NDC80: variants seen among roughly 807,000 people sequenced by gnomAD.
NDC80 encodes kinetochore protein NDC80 homolog.
In NDC80, 69 loss-of-function variants were observed where a neutral mutation model predicts 89.3. The observed-to-expected ratio is 0.77, with a 90% CI of 0.64 to 0.94. The LOEUF (loss-of-function observed/expected upper bound fraction) is 0.94. Among genes scored for constraint, NDC80 ranks in the 40% least tolerant of loss-of-function variants. NDC80 has a pLI of 0.00. For synonymous variants in NDC80, 243 were observed against 255.6 expected, an observed-to-expected ratio of 0.95 and a Z score of 0.47; for missense variants, 593 against 739.6, an observed-to-expected ratio of 0.80 and a Z score of 2.30.
In NDC80 at chr18:2,595,585, G is replaced by A; in HGVS notation, c.1185G>A (p.Trp395Ter). ...TGGAAGCTGAACAACAGAAGTTGTG[G>A]AATGAGGAGTTAAAATATGCCAGAG... The part of the protein sequence containing the change: ...KDLEAEQQKL[W>*]NEELKYARGK... Residue 395 changes from tryptophan (W) to a stop codon, truncating the protein, a stop_gained, in exon 11 of 17, where the codon TGG becomes TGA. Coordinates refer to ENST00000261597, the MANE Select transcript of NDC80 (RefSeq NM_006101.3). LOFTEE classifies it high-confidence loss of function. 1 of 1,613,654 alleles carries A rather than the reference G, an allele frequency of 6.2e-7. No homozygotes were observed. The highest frequency in any genetic ancestry group is 8.5e-7 in the Non-Finnish European group (1 of 1,179,702).
intron 4 of NDC80, 21 bp downstream of exon 4, chr18:2,577,890 A>G: frequency 1.2e-6 from 2 of 1,612,034 alleles, no homozygotes; most frequent in Non-Finnish European, 1.7e-6. Context: ...ATTTTAATCT[A>G]AACTGTGATT....
intron 16 of NDC80, among the ~76,000 whole-genome samples, chr18:2,616,142 A>G (rs1237525102): frequency 6.6e-6 from 1 of 152,034 alleles, no homozygotes; most frequent in Non-Finnish European, 1.5e-5. Flanking sequence ...CTCCTGCCTC[A>G]GCCTCTTGCA....
intron 11 of NDC80, among the ~76,000 whole-genome samples, chr18:2,596,701 A>G (rs1014871527): frequency 2.0e-5 from 3 of 152,164 alleles, no homozygotes; most frequent in African/African-American, 7.2e-5. Context: ...ATTATAAATC[A>G]TGCTGCTATA....
Position 2,595,470 on chromosome 18 carries a change from A to G in NDC80, c.1070A>G (p.Asp357Gly). ...AACACTCGACTACAGAATATCATTGACAACCAGAAGTACTCAGTTGCAGAC... is the reference window on the plus strand; with the variant it reads ...AACACTCGACTACAGAATATCATTGGCAACCAGAAGTACTCAGTTGCAGAC... ...QENTRLQNIIDNQKYSVADIE... is the reference protein window; with the variant it reads ...QENTRLQNIIGNQKYSVADIE... The change falls in exon 11 of 17, where the codon GAC becomes GGC. Residue 357 changes from aspartate (D) to glycine (G), a missense_variant. Coordinates refer to ENST00000261597, the MANE Select transcript of NDC80 (RefSeq NM_006101.3). The G allele has an allele frequency of 6.2e-7, 1 of 1,613,930 alleles. No homozygotes were observed.
chr18:2,599,197 AT>A (rs751069922), intron 12 of NDC80, 26 bp downstream of exon 12: 3 of 1,577,808 alleles, frequency 1.9e-6, no homozygotes, highest in South Asian at 2.3e-5. Context: ...TACTTTTAAG[AT>A]TTTTTTAATT....
chr18:2,593,656 A>C, intron 10 of NDC80: 1 of 175,082 alleles, frequency 5.7e-6, no homozygotes, highest in Non-Finnish European at 1.3e-5. Context: ...GATGCTCTTT[A>C]GTAGACGAAA....
chr18:2,611,832 A>G (rs1404773752), intron 16 of NDC80, among the ~76,000 whole-genome samples: 1 of 151,942 alleles, frequency 6.6e-6, no homozygotes, highest in Non-Finnish European at 1.5e-5. Flanking sequence ...GTGATACCCT[A>G]CTACCCATCC....
intron 13 of NDC80, among the ~76,000 whole-genome samples, chr18:2,605,274 A>ATGTGTGTGTGTGTGTGTGTGTG (rs60324126): frequency 7.9e-6 from 1 of 127,178 alleles, no homozygotes; most frequent in Non-Finnish European, 1.6e-5. Context: ...GGCTATATGT[A>ATGTGTGTGTGTGTGTGTGTGTG]TGTGTGTGTG....
In NDC80 at chr18:2,580,472, T is replaced by C. The variant is rs144580301; in HGVS notation, c.579+1443T>C. Among the ~76,000 whole-genome samples, 299 of 152,204 alleles carry C rather than the reference T, an allele frequency of 2.0e-3. 3 individuals carry two copies. Among genetic ancestry groups the C allele is most frequent in the African/African-American group, 7.1e-3 (293 of 41,528 alleles). On this transcript the variant is annotated intron_variant, in intron 6 of 16. Coordinates refer to ENST00000261597, the MANE Select transcript of NDC80 (RefSeq NM_006101.3). The stretch of plus-strand genomic sequence containing the variant: ...GCTAGAATTCCTAAAGCTAATACTG[T>C]TCCCCTGACATTGTCTTGGCCATCA...
chr18:2,582,979 C>G (rs1381675769), intron 6 of NDC80: 1 of 152,200 alleles, frequency 6.6e-6, no homozygotes, highest in East Asian at 1.9e-4. Flanking sequence ...GCATACACTT[C>G]AGGAGCGTCT....
In NDC80 at chr18:2,595,515, A is replaced by G; in HGVS notation, c.1115A>G (p.Glu372Gly). The part of the protein sequence containing the change: ...SVADIERINH[E>G]RNELQQTINK... Reference sequence around the variant, plus strand: ...GCAGACATTGAGCGAATAAATCATGAAAGAAATGAATTGCAGCAGACTATT... The same window carrying G: ...GCAGACATTGAGCGAATAAATCATGGAAGAAATGAATTGCAGCAGACTATT... The change falls in exon 11 of 17, where the codon GAA becomes GGA. Residue 372 changes from glutamate (E) to glycine (G), a missense_variant. Transcript: ENST00000261597. 1.2e-6 allele frequency: 2 copies of G among 1,613,956 alleles called. No individual in the cohort carries two copies. The highest frequency in any genetic ancestry group is 1.7e-6 in the Non-Finnish European group (2 of 1,179,872).
chr18:2,602,428 G>A (rs1238324513), intron 13 of NDC80, among the ~76,000 whole-genome samples: 1 of 152,012 alleles, frequency 6.6e-6, no homozygotes, highest in Admixed American at 6.6e-5. Flanking sequence ...GCTGTAATTC[G>A]CAGTTTCTAA....
intron 13 of NDC80, among the ~76,000 whole-genome samples, chr18:2,602,932 C>G (rs1010141514): frequency 6.6e-5 from 10 of 152,096 alleles, no homozygotes. Context: ...GGAGGTAGAA[C>G]CCAAGGATTT....
intron 6 of NDC80, among the ~76,000 whole-genome samples, chr18:2,579,482 C>A (rs144770047): frequency 1.3e-5 from 2 of 152,062 alleles, no homozygotes; most frequent in Non-Finnish European, 2.9e-5. Context: ...GGCTGGAGTG[C>A]GGTGGCATGA....
chr18:2,596,877 G>A (rs1255869393), intron 11 of NDC80, among the ~76,000 whole-genome samples: 1 of 151,458 alleles, frequency 6.6e-6, no homozygotes, highest in Non-Finnish European at 1.5e-5. Flanking sequence ...TCCTTTGTAG[G>A]GACATGGATG....
rs929888096 is a variant in NDC80 at position 2,585,186 on chromosome 18, G to C, written c.653G>C (p.Gly218Ala). Residue 218 changes from glycine to alanine, a missense_variant, in exon 7 of 17, where the codon GGA becomes GCA. By Grantham distance (60) the Gly-to-Ala change is moderately conservative (BLOSUM62 0). Coordinates refer to ENST00000261597, the MANE Select transcript of NDC80 (RefSeq NM_006101.3). ...CCTTGGGGAGAAGAAACTGAAGATG[G>C]AATTATGCATAATAAGGTACCATGT... ...GQPWGEETEDGIMHNKLFLDY... is the reference protein window; with the variant it reads ...GQPWGEETEDAIMHNKLFLDY... The C allele has an allele frequency of 6.2e-7, 1 of 1,611,560 alleles. No homozygotes were observed. Among genetic ancestry groups the C allele is most frequent in the Admixed American group, 1.7e-5 (1 of 60,014 alleles).
At chr18:2,589,978 T>G in intron 9 of NDC80, 40 bp from the exon 10 acceptor site, 3 of 1,327,712 alleles carry the variant, frequency 2.3e-6, no homozygotes, top group South Asian at 1.7e-5. Flanking sequence ...TATGGAATGG[T>G]TATTAAGAAT....
In NDC80 at chr18:2,587,685, T is replaced by A. The variant is rs948038269; in HGVS notation, c.670-145T>A. The A allele has an allele frequency of 2.1e-5, 12 of 561,342 alleles. No homozygotes were observed. The African/African-American group carries it at 2.3e-4, about 11-fold the overall frequency. 34.8% of individuals were successfully genotyped at this position (561,342 alleles called of 1,614,324 possible). ...ATATAGCATAATTATATAGCCTAGGTTTTTGTCTCTTATTTATAGGTTCAT... is the reference window on the plus strand; with the variant it reads ...ATATAGCATAATTATATAGCCTAGGATTTTGTCTCTTATTTATAGGTTCAT... On this transcript the variant is annotated intron_variant, in intron 7 of 16. Coordinates refer to ENST00000261597, the MANE Select transcript of NDC80 (RefSeq NM_006101.3).
In NDC80 at chr18:2,601,352, T is replaced by C. The variant is rs779845063; in HGVS notation, c.1375-44T>C. ...TAGATGCTTCAGGAGGGATATTTTG[T>C]AATTAAATGTTATATGTCACCCACA... On this transcript the variant is annotated intron_variant, in intron 12 of 16. Transcript: ENST00000261597. The C allele has an allele frequency of 3.1e-6, 3 of 963,154 alleles. No individual in the cohort carries two copies. In the Admixed American group the frequency reaches 8.2e-5, roughly 26 times the overall value. 59.7% of individuals were successfully genotyped at this position (963,154 alleles called of 1,614,324 possible). A position where few individuals can be genotyped will look rare whatever the true frequency, so the allele number is the denominator to read the frequency against.
Sources: allele counts gnomAD v4.1 joint callset (sites outside exome capture counted in the v4.1 genomes callset), GRCh38; gene constraint gnomAD v4.1.1; transcripts MANE v1.5; gene names NCBI Gene and HGNC (gene_info 2026-07-23, HGNC 2026-07-21).